The following SAMMSON variants were observed in gnomAD, a reference collection of about 807,000 sequenced individuals.
SAMMSON encodes the protein survival associated mitochondrial melanoma specific oncogenic non-coding RNA, also known as long intergenic non-protein coding RNA 1212.
chr3:70,009,132 A>G (rs2066942722), intron 1 of SAMMSON: 1 of 152,280 alleles, frequency 6.6e-6, no homozygotes, highest in Non-Finnish European at 1.5e-5. Flanking sequence ...AGGCTTTGGT[A>G]TCAGGATGAT....
At chr3:70,405,690 C>T (rs1701172138) in intron 2 of SAMMSON, among the ~76,000 whole-genome samples, 1 of 152,150 alleles carries the variant, frequency 6.6e-6, no homozygotes, top group Admixed American at 6.5e-5. Flanking sequence ...AACAGAGACT[C>T]AGTGACTTGT....
At chr3:70,157,149 T>C (rs1217513926) in intron 4 of SAMMSON, among the ~76,000 whole-genome samples, 4 of 152,126 alleles carry the variant, frequency 2.6e-5, no homozygotes, top group African/African-American at 4.8e-5. Context: ...TTAAAGGACT[T>C]TTACTTTTTC....
At chr3:70,372,746 A>G (rs1435579590) in intron 9 of SAMMSON, among the ~76,000 whole-genome samples, 2 of 152,118 alleles carry the variant, frequency 1.3e-5, no homozygotes, top group African/African-American at 4.8e-5. Context: ...AAAGTTTTAA[A>G]TTTTCATGAA....
intron 6 of SAMMSON, among the ~76,000 whole-genome samples, chr3:70,290,834 C>G (rs1176020486): frequency 6.6e-6 from 1 of 152,164 alleles, no homozygotes; most frequent in African/African-American, 2.4e-5. Flanking sequence ...CAGGTGCGGT[C>G]CTCACCCCTT....
chr3:70,004,050 A>T (rs2066916408), intron 1 of SAMMSON, among the ~76,000 whole-genome samples: 1 of 151,448 alleles, frequency 6.6e-6, no homozygotes, highest in Admixed American at 6.6e-5. Flanking sequence ...TTTGCAGGAG[A>T]GGAGGAGAGG....
At chr3:70,261,683 C>T (rs1398497391) in intron 6 of SAMMSON, among the ~76,000 whole-genome samples, 1 of 152,134 alleles carries the variant, frequency 6.6e-6, no homozygotes, top group Non-Finnish European at 1.5e-5. Context: ...TTGTTGAAAA[C>T]AGAATGCCAA....
intron 4 of SAMMSON, among the ~76,000 whole-genome samples, chr3:70,115,210 C>CAAAAA (rs11456109): frequency 3.4e-5 from 4 of 117,382 alleles, no homozygotes; most frequent in South Asian, 2.6e-4. Context: ...CTCTATTTTC[C>CAAAAA]AAAAAAAAAA....
chr3:70,051,240 A>C (rs1337647932), intron 3 of SAMMSON, among the ~76,000 whole-genome samples: 1 of 150,918 alleles, frequency 6.6e-6, no homozygotes, highest in African/African-American at 2.4e-5. Context: ...GCTTTTCAAG[A>C]AAATCTTTTG....
chr3:70,321,345 C>A (rs748950996), intron 7 of SAMMSON, among the ~76,000 whole-genome samples: 1 of 152,028 alleles, frequency 6.6e-6, no homozygotes, highest in Non-Finnish European at 1.5e-5. Flanking sequence ...TGGAATTATA[C>A]AGTATGTATT....
At chr3:70,426,823 T>G (rs762880843) in intron 2 of SAMMSON, among the ~76,000 whole-genome samples, 1 of 152,164 alleles carries the variant, frequency 6.6e-6, no homozygotes, top group Non-Finnish European at 1.5e-5. Context: ...AAGTTAAACT[T>G]TGAAAGAGAA....
intron 9 of SAMMSON, among the ~76,000 whole-genome samples, chr3:70,371,930 T>C (rs1383862476): frequency 2.6e-5 from 4 of 152,196 alleles, no homozygotes; most frequent in Non-Finnish European, 5.9e-5. Context: ...GAAGAAATGC[T>C]TTCATCTTTT....
At chr3:70,373,842 T>C (rs940022525) in intron 9 of SAMMSON, among the ~76,000 whole-genome samples, 2 of 152,152 alleles carry the variant, frequency 1.3e-5, no homozygotes, top group African/African-American at 4.8e-5. Flanking sequence ...TAGAAAGATA[T>C]CTTTCATTTT....
intron 4 of SAMMSON, among the ~76,000 whole-genome samples, chr3:70,210,202 G>A (rs1258316601): frequency 1.3e-5 from 2 of 152,104 alleles, no homozygotes; most frequent in African/African-American, 4.8e-5. Context: ...TTTAAGTATA[G>A]CATTTTGAAT....
intron 4 of SAMMSON, among the ~76,000 whole-genome samples, chr3:70,102,066 G>A (rs1220494636): frequency 6.6e-6 from 1 of 152,050 alleles, no homozygotes. Flanking sequence ...TTCCTTCATA[G>A]TTAACATATA....
At chr3:70,004,380 G>A (rs993925381) in intron 1 of SAMMSON, among the ~76,000 whole-genome samples, 2 of 152,108 alleles carry the variant, frequency 1.3e-5, no homozygotes, top group Non-Finnish European at 2.9e-5. Flanking sequence ...TCAGAAGGAT[G>A]TCTTGGTACC....
chr3:70,432,221 T>A (rs1288463118), intron 2 of SAMMSON, among the ~76,000 whole-genome samples: 3 of 151,874 alleles, frequency 2.0e-5, no homozygotes, highest in Non-Finnish European at 4.4e-5. Flanking sequence ...ATATTAGCCT[T>A]TCTTATGGAT....
intron 4 of SAMMSON, among the ~76,000 whole-genome samples, chr3:70,104,063 G>A (rs983040568): frequency 6.6e-6 from 1 of 150,692 alleles, no homozygotes; most frequent in Non-Finnish European, 1.5e-5. Flanking sequence ...AGCTTCTGTG[G>A]TAGAACGGAA....
At chr3:70,389,004 C>A (rs1400640854) in intron 9 of SAMMSON, among the ~76,000 whole-genome samples, 1 of 151,956 alleles carries the variant, frequency 6.6e-6, no homozygotes. Context: ...TGAATTAGTT[C>A]CTGAGAGAGC....
At chr3:70,179,304 A>C (rs1173675334) in intron 4 of SAMMSON, among the ~76,000 whole-genome samples, 7 of 152,242 alleles carry the variant, frequency 4.6e-5, no homozygotes, top group Non-Finnish European at 1.5e-5. Context: ...AGTTTTAGGC[A>C]CTTCTACATT....
Sources: gnomAD v4.1 joint callset for allele counts (sites outside exome capture counted in the v4.1 genomes callset) on GRCh38, gnomAD v4.1.1 for gene constraint, MANE v1.5 for transcripts, NCBI Gene and HGNC (gene_info 2026-07-23, HGNC 2026-07-21) for gene names.